PRKCB: variants seen among roughly 807,000 people sequenced by gnomAD.
PRKCB encodes the protein protein kinase C beta.
PRKCB carries 13 observed loss-of-function variants against 81.5 expected under a neutral mutation model. That is an observed-to-expected ratio of 0.16 (90% CI 0.10 to 0.25). The LOEUF (loss-of-function observed/expected upper bound fraction) is 0.25. Ranked by LOEUF, PRKCB falls within the 10% of genes least tolerant of loss-of-function variation. PRKCB has a pLI of 1.00. For missense variants in PRKCB, 509 were observed against 875.7 expected, an observed-to-expected ratio of 0.58 and a Z score of 5.29; for synonymous variants, 335 against 321.4, an observed-to-expected ratio of 1.04 and a Z score of -0.45.
At chr16:23,990,289 T>G (rs1964867280) in intron 3 of PRKCB, among the ~76,000 whole-genome samples, 1 of 151,808 alleles carries the variant, frequency 6.6e-6, no homozygotes. Context: ...AAACCCCGTC[T>G]CTACTAAAAA....
rs1968258567 is a variant in PRKCB, at chr16:24,218,034, A to T, written c.*3218A>T. On this transcript the variant is annotated 3_prime_UTR_variant, in exon 17 of 17. Transcript: ENST00000643927. ...TATCCCAAGTCTTCCTTCATTCCAC[A>T]AATAATTACAAACAACCTACTGTGT... The T allele has an allele frequency of 1.0e-6, 1 of 985,372 alleles. No homozygotes were observed. Among genetic ancestry groups the T allele is most frequent in the African/African-American group, 1.7e-5 (1 of 57,340 alleles). 61.0% of individuals were successfully genotyped at this position (985,372 alleles called of 1,614,324 possible). A position where few individuals can be genotyped will look rare whatever the true frequency, so the allele number is the denominator to read the frequency against.
Position 24,003,447 on chromosome 16 carries a change from C to T in PRKCB, c.288+14857C>T, listed in dbSNP as rs542617496. On this transcript the variant is annotated intron_variant, in intron 3 of 16. Coordinates refer to ENST00000643927, the MANE Select transcript of PRKCB (RefSeq NM_002738.7). ...TTGCCCAGGCTGGAGTGCAGTGGTA[C>T]GATCTCAGCTCACTGCAACCTCTGC... 3.3e-5 allele frequency among the ~76,000 whole-genome samples: 5 copies of T among 150,470 alleles called. No homozygotes were observed. In the East Asian group the frequency reaches 5.9e-4, roughly 18 times the overall value.
intron 10 of PRKCB, among the ~76,000 whole-genome samples, chr16:24,158,527 C>CATGTATATGTGT (rs1967199857): frequency 3.5e-5 from 5 of 141,792 alleles, no homozygotes; most frequent in Admixed American, 2.9e-4. Context: ...TTTAAAAAAA[C>CATGTATATGTGT]ATGTATATGT....
intron 3 of PRKCB, among the ~76,000 whole-genome samples, chr16:24,001,431 A>G (rs1298255862): frequency 6.6e-6 from 1 of 152,242 alleles, no homozygotes; most frequent in African/African-American, 2.4e-5. Flanking sequence ...GATAAGATAG[A>G]TTAAAAATCA....
intron 3 of PRKCB, among the ~76,000 whole-genome samples, chr16:24,007,166 G>C (rs1311488584): frequency 6.6e-6 from 1 of 152,156 alleles, no homozygotes; most frequent in Non-Finnish European, 1.5e-5. Context: ...TCTATAAAAA[G>C]AGGATAAAAT....
At chr16:23,900,748 T>TTTTTTTTTTTTTC (rs1963458971) in intron 2 of PRKCB, among the ~76,000 whole-genome samples, 1 of 131,628 alleles carries the variant, frequency 7.6e-6, no homozygotes, top group African/African-American at 3.0e-5. Context: ...TTTTTTTTTT[T>TTTTTTTTTTTTTC]TTGTGGCTGT....
intron 9 of PRKCB, among the ~76,000 whole-genome samples, chr16:24,124,582 T>A (rs1966839381): frequency 6.6e-6 from 1 of 152,204 alleles, no homozygotes; most frequent in Admixed American, 6.5e-5. Flanking sequence ...AGGATGACCC[T>A]GGGACTCATA....
chr16:24,132,792 T>C (rs1966855354), intron 9 of PRKCB, among the ~76,000 whole-genome samples: 2 of 62,498 alleles, frequency 3.2e-5, no homozygotes, highest in African/African-American at 1.5e-4. Flanking sequence ...TTTTTTTTTT[T>C]CTTCTAGAGA....
At chr16:23,995,378 G>A (rs1964941822) in intron 3 of PRKCB, among the ~76,000 whole-genome samples, 1 of 152,222 alleles carries the variant, frequency 6.6e-6, no homozygotes, top group South Asian at 2.1e-4. Flanking sequence ...AATGGTGGTT[G>A]GTTAGTGGCA....
At chr16:24,027,562 C>A (rs574339185) in intron 3 of PRKCB, among the ~76,000 whole-genome samples, 1 of 152,244 alleles carries the variant, frequency 6.6e-6, no homozygotes, top group East Asian at 1.9e-4. Context: ...CTCAGGGTCC[C>A]ACTGGCGACA....
chr16:23,872,528 CA>C (rs1165338150), intron 2 of PRKCB, among the ~76,000 whole-genome samples: 2 of 151,906 alleles, frequency 1.3e-5, no homozygotes. Flanking sequence ...ATCTAAAAAA[CA>C]AGAAAAAATT....
At chr16:24,126,962 C>T (rs930831824) in intron 9 of PRKCB, among the ~76,000 whole-genome samples, 14 of 149,612 alleles carry the variant, frequency 9.4e-5, no homozygotes, top group African/African-American at 3.0e-4. Context: ...TGTGAGCCAC[C>T]GCACCTGTCC....
intron 5 of PRKCB, among the ~76,000 whole-genome samples, chr16:24,074,628 C>A (rs899560943): frequency 6.6e-6 from 1 of 152,108 alleles, no homozygotes; most frequent in Non-Finnish European, 1.5e-5. Context: ...AATCAGTAGG[C>A]AACAGTGAGT....
chr16:23,988,061 T>G (rs750205505), intron 2 of PRKCB, among the ~76,000 whole-genome samples: 25 of 152,232 alleles, frequency 1.6e-4, no homozygotes, highest in African/African-American at 3.9e-4. Flanking sequence ...CCCCTCTGTT[T>G]CCACATGACC....
chr16:24,109,925 C>G (rs892059618), intron 7 of PRKCB, among the ~76,000 whole-genome samples: 1 of 127,178 alleles, frequency 7.9e-6, no homozygotes, highest in African/African-American at 3.7e-5. Context: ...GCCAACACAG[C>G]GAAACCCCGT....
rs537828506 is a variant in PRKCB at position 24,085,990 on chromosome 16, G to A, written c.530-6801G>A. ...GAGCCTTTGGGACCACGATGTGCTC[G>A]GGAGGACTTTGATGCTGGATGTGGG... On this transcript the variant is annotated intron_variant, in intron 5 of 16. Transcript: ENST00000643927. Among the ~76,000 whole-genome samples, 9 of 152,240 alleles carry A rather than the reference G, an allele frequency of 5.9e-5. No individual in the cohort carries two copies. In the South Asian group the frequency reaches 6.2e-4, roughly 11 times the overall value.
At chr16:23,860,463 G>A (rs1460892893) in intron 2 of PRKCB, among the ~76,000 whole-genome samples, 6 of 152,118 alleles carry the variant, frequency 3.9e-5, no homozygotes, top group African/African-American at 1.2e-4. Flanking sequence ...CAGGGATAGA[G>A]GTAAATGTTT....
At chr16:24,199,554 C>A (rs1319498766) in intron 16 of PRKCB, among the ~76,000 whole-genome samples, 1 of 152,164 alleles carries the variant, frequency 6.6e-6, no homozygotes, top group Non-Finnish European at 1.5e-5. Context: ...AAGCACAGAA[C>A]CTAACTCCCC....
At chr16:23,859,361 G>T (rs1237576188) in intron 2 of PRKCB, among the ~76,000 whole-genome samples, 1 of 152,198 alleles carries the variant, frequency 6.6e-6, no homozygotes, top group African/African-American at 2.4e-5. Context: ...CTTTTCCAAA[G>T]TCCACTCAGA....
Sources: allele counts gnomAD v4.1 joint callset (sites outside exome capture counted in the v4.1 genomes callset), GRCh38; gene constraint gnomAD v4.1.1; transcripts MANE v1.5; gene names NCBI Gene and HGNC (gene_info 2026-07-23, HGNC 2026-07-21).